Variants in SLC7A5 observed in about 807,000 individuals in gnomAD.
SLC7A5 encodes the protein solute carrier family 7 member 5, also known as large neutral amino acids transporter small subunit 1.
Under a neutral mutation model 50.2 loss-of-function variants are expected in SLC7A5, and 23 were observed. The ratio of observed to expected loss-of-function variants is 0.46; its 90% CI spans 0.33 to 0.65. SLC7A5 has a LOEUF of 0.65. Ranked by LOEUF, SLC7A5 falls within the 30% of genes least tolerant of loss-of-function variation. The probability of loss-of-function intolerance (pLI) is 0.02; values close to 1 mark genes in which losing one functional copy is unlikely to be tolerated. For missense variants in SLC7A5, 578 were observed against 684.4 expected (o/e 0.84, Z 1.73); for synonymous variants, 393 against 330.6 (o/e 1.19, Z -2.05).
At position 87,853,020 on chromosome 16, in the gene SLC7A5, A is replaced by G. The variant is rs77846542; in HGVS notation, c.539-1171T>C. ...GGCAAAGGCCCAGCACGGGCCACCC[A>G]CACAGCTCAGATCTCACAGCCCTCC... is the stretch of plus-strand genomic sequence containing the variant. On this transcript the variant is annotated intron_variant, in intron 1 of 9. Coordinates refer to ENST00000261622, the MANE Select transcript of SLC7A5 (RefSeq NM_003486.7). The surrounding 1 kb of genome is among the most constrained non-coding windows in gnomAD (Gnocchi z 4.4). Among the ~76,000 whole-genome samples, 4,017 of 152,284 alleles carry G rather than the reference A, an allele frequency of 0.026. 168 individuals carry two copies. Among genetic ancestry groups the G allele is most frequent in the African/African-American group, 0.088 (3,667 of 41,522 alleles).
rs558475609 is a variant in SLC7A5 at position 87,833,085 on chromosome 16, G to A, written c.1469-60C>T. The A allele has an allele frequency of 1.2e-5, 17 of 1,450,870 alleles. No homozygotes were observed. The African/African-American group carries it at 1.3e-4, about 11-fold the overall frequency. 89.9% of individuals were successfully genotyped at this position (1,450,870 alleles called of 1,614,324 possible). ...GGCTGGGTAGGCACCCGTGGGACAC[G>A]GGGGCGTGAGCTGGGGCTCCCCCAG... On this transcript the variant is annotated intron_variant, in intron 9 of 9. Coordinates refer to ENST00000261622, the MANE Select transcript of SLC7A5 (RefSeq NM_003486.7). The surrounding 1 kb of genome is among the most constrained non-coding windows in gnomAD (Gnocchi z 6.0).
rs765140891 is a variant in SLC7A5 at position 87,837,944 on chromosome 16, G to C, written c.1044-3C>G. The C allele has an allele frequency of 6.3e-7, 1 of 1,599,838 alleles. No homozygotes were observed. Among genetic ancestry groups the C allele is most frequent in the Non-Finnish European group, 8.5e-7 (1 of 1,174,316 alleles). ...CCCGGGACCCCACGAAGAAGAGCCT[G>C]TGGACAGACAAGAGTGGCAGAGTCA... On this transcript the variant is annotated splice_polypyrimidine_tract_variant and splice_region_variant and intron_variant, in intron 6 of 9. Coordinates refer to ENST00000261622, the MANE Select transcript of SLC7A5 (RefSeq NM_003486.7).
At chr16:87,858,529 T>C (rs2055348608) in intron 1 of SLC7A5, among the ~76,000 whole-genome samples, 1 of 152,186 alleles carries the variant, frequency 6.6e-6, no homozygotes, top group Non-Finnish European at 1.5e-5. Flanking sequence ...AGGACACTTG[T>C]GGCAGCCAAT....
At chr16:87,844,283 C>T (rs901706176) in intron 2 of SLC7A5, among the ~76,000 whole-genome samples, 7 of 152,130 alleles carry the variant, frequency 4.6e-5, no homozygotes, top group African/African-American at 7.2e-5. Flanking sequence ...AAACTGCAAA[C>T]GCCGCGGCGA....
Position 87,835,688 on chromosome 16 carries a change from A to G in SLC7A5, c.1290+810T>C, listed in dbSNP as rs551642836. On this transcript the variant is annotated intron_variant, in intron 8 of 9. Coordinates refer to ENST00000261622, the MANE Select transcript of SLC7A5 (RefSeq NM_003486.7). ...ACGGGGTTTCACCGTGTTAGCCAGG[A>G]TGGTCTCTATCTCCTGACTTTGTGA... Among the ~76,000 whole-genome samples, 19 of 151,924 alleles carry G rather than the reference A, an allele frequency of 1.3e-4. 1 individual carries two copies. The highest frequency in any genetic ancestry group is 1.0e-3 in the South Asian group (5 of 4,818).
intron 7 of SLC7A5, among the ~76,000 whole-genome samples, chr16:87,837,136 G>A (rs1366709647): frequency 6.6e-6 from 1 of 152,230 alleles, no homozygotes; most frequent in African/African-American, 2.4e-5. Context: ...CTCAGGGAAG[G>A]AGTAGTAAGC....
In SLC7A5 at chr16:87,863,986, A is replaced by AAAAAATATATATATAT. The variant is rs376938738; in HGVS notation, c.538+4898_538+4899insATATATATATATTTTT. On this transcript the variant is annotated intron_variant, in intron 1 of 9. Transcript: ENST00000261622. ...CCAACCTTATGTGTGATCATTTAAAAATATATATATATATATATATATCAG... is the reference window on the plus strand; with the variant it reads ...CCAACCTTATGTGTGATCATTTAAAAAAAAATATATATATATATATATATATATATATATATATCAG... Among the ~76,000 whole-genome samples, 15 of 83,274 alleles carry AAAAAATATATATATAT rather than the reference A, an allele frequency of 1.8e-4. 1 individual carries two copies. The highest frequency in any genetic ancestry group is 1.6e-3 in the Admixed American group (11 of 7,090). 54.6% of individuals were successfully genotyped at this position (83,274 alleles called of 152,430 possible).
At chr16:87,854,277 G>A (rs1212797024) in intron 1 of SLC7A5, among the ~76,000 whole-genome samples, 2 of 152,086 alleles carry the variant, frequency 1.3e-5, no homozygotes, top group Non-Finnish European at 2.9e-5. Context: ...GAACAAAGGG[G>A]ACCTTATATT....
rs577713904 is a variant in SLC7A5 at position 87,833,076 on chromosome 16, G to C, written c.1469-51C>G. ...TAGCCTGGGGGCTGGGTAGGCACCC[G>C]TGGGACACGGGGGCGTGAGCTGGGG... On this transcript the variant is annotated intron_variant, in intron 9 of 9. Coordinates refer to ENST00000261622, the MANE Select transcript of SLC7A5 (RefSeq NM_003486.7). This position sits in a 1 kb window ranked among gnomAD's most constrained non-coding sequence, Gnocchi z 6.0. 3 of 1,513,906 alleles carry C rather than the reference G, an allele frequency of 2.0e-6. No individual in the cohort carries two copies. Among genetic ancestry groups the C allele is most frequent in the Non-Finnish European group, 1.8e-6 (2 of 1,089,310 alleles). The allele number at this position is 1,513,906 out of a possible 1,614,324, so 93.8% of individuals were successfully genotyped here. A position where few individuals can be genotyped will look rare whatever the true frequency, so the allele number is the denominator to read the frequency against.
chr16:87,859,806 C>T (rs555224519), intron 1 of SLC7A5, among the ~76,000 whole-genome samples: 142 of 152,160 alleles, frequency 9.3e-4, no homozygotes, highest in Middle Eastern at 3.4e-3. Context: ...GGCATGGTGG[C>T]GGCAGGCACC....
rs34242195 is a variant in SLC7A5 at position 87,848,876 on chromosome 16, G to T, written c.664+2848C>A. 1.4e-3 allele frequency among the ~76,000 whole-genome samples: 211 copies of T among 151,636 alleles called. 1 individual carries two copies. Among genetic ancestry groups the T allele is most frequent in the African/African-American group, 4.9e-3 (200 of 40,994 alleles). ...AGATGGTTCTGCGGATGGCCAACTG[G>T]GAAGGGGTGATTACAAACTTCCCTG... On this transcript the variant is annotated intron_variant, in intron 2 of 9. Coordinates refer to ENST00000261622, the MANE Select transcript of SLC7A5 (RefSeq NM_003486.7).
At chr16:87,837,683 C>T (rs2055025150) in intron 7 of SLC7A5, 162 bp downstream of exon 7, 1 of 615,572 alleles carries the variant, frequency 1.6e-6, no homozygotes, top group African/African-American at 1.8e-5. Context: ...TCTAAAGCCC[C>T]TCCAGCGCTC....
chr16:87,843,567 C>T (rs1257746488), intron 2 of SLC7A5, among the ~76,000 whole-genome samples: 1 of 151,850 alleles, frequency 6.6e-6, no homozygotes, highest in African/African-American at 2.4e-5. Context: ...AGTGACTCCA[C>T]GCTACACACA....
Position 87,862,487 on chromosome 16 carries a change from G to A in SLC7A5, c.538+6398C>T, listed in dbSNP as rs1380564762. Among the ~76,000 whole-genome samples the A allele has an allele frequency of 6.6e-6, 1 of 152,220 alleles. No individual in the cohort carries two copies. Among genetic ancestry groups the A allele is most frequent in the Non-Finnish European group, 1.5e-5 (1 of 68,046 alleles). ...CGACCCTGGGCCTGTGCCGAGCGTGGGTGGGTGACATCATCTCGCACCCAG... is the reference window on the plus strand; with the variant it reads ...CGACCCTGGGCCTGTGCCGAGCGTGAGTGGGTGACATCATCTCGCACCCAG... On this transcript the variant is annotated intron_variant, in intron 1 of 9. Transcript: ENST00000261622. The surrounding 1 kb of genome is among the most constrained non-coding windows in gnomAD (Gnocchi z 5.3).
rs114773994 is a variant in SLC7A5 at position 87,844,739 on chromosome 16, C to T, written c.665-3584G>A. The stretch of plus-strand genomic sequence containing the variant: ...CCCAGCCCTGGAAACACCTCAGGGA[C>T]AAGAGAGTCACTCCTCAAGCGCGGA... On this transcript the variant is annotated intron_variant, in intron 2 of 9. Transcript: ENST00000261622. Among the ~76,000 whole-genome samples the T allele has an allele frequency of 3.2e-3, 483 of 152,364 alleles. 5 individuals carry two copies. Among genetic ancestry groups the T allele is most frequent in the African/African-American group, 0.011 (459 of 41,596 alleles).
chr16:87,850,573 G>C (rs537204800), intron 2 of SLC7A5, among the ~76,000 whole-genome samples: 1 of 152,224 alleles, frequency 6.6e-6, no homozygotes, highest in East Asian at 1.9e-4. Flanking sequence ...ATCTCTACCT[G>C]AGGCTCTGGG....
chr16:87,858,526 T>G (rs1016350913), intron 1 of SLC7A5, among the ~76,000 whole-genome samples: 6 of 152,116 alleles, frequency 3.9e-5, no homozygotes, highest in African/African-American at 1.4e-4. Context: ...GGAAGGACAC[T>G]TGTGGCAGCC....
At chr16:87,838,909 C>G in intron 5 of SLC7A5, 92 bp from the exon 6 acceptor site, 3 of 929,968 alleles carry the variant, frequency 3.2e-6, no homozygotes, top group Non-Finnish European at 5.3e-6. Flanking sequence ...GGCCAGCCCT[C>G]GCCCTCTGTG....
At chr16:87,848,615 C>A (rs1306467270) in intron 2 of SLC7A5, among the ~76,000 whole-genome samples, 1 of 152,204 alleles carries the variant, frequency 6.6e-6, no homozygotes, top group African/African-American at 2.4e-5. Context: ...GGGCTCCCGA[C>A]CACTCAGGCC....
Sources: gnomAD v4.1 joint callset for allele counts (sites outside exome capture counted in the v4.1 genomes callset) on GRCh38, gnomAD v4.1.1 for gene constraint, Gnocchi (gnomAD v3.1) non-coding constraint, MANE v1.5 for transcripts, NCBI Gene and HGNC (gene_info 2026-07-23, HGNC 2026-07-21) for gene names.